Variants in HMGCLL1 observed in about 807,000 individuals in gnomAD.
HMGCLL1 encodes 3-hydroxymethyl-3-methylglutaryl-CoA lyase, cytoplasmic.
Under a neutral mutation model 39.1 loss-of-function variants are expected in HMGCLL1, and 36 were observed. The observed-to-expected ratio is 0.92, with a 90% CI of 0.71 to 1.22. The LOEUF (loss-of-function observed/expected upper bound fraction) is 1.22, where lower values mean the gene tolerates loss of function less well. Among genes scored for constraint, HMGCLL1 ranks in the 50% most tolerant of loss-of-function variants. The pLI is 0.00. For missense variants in HMGCLL1, 451 were observed against 416.5 expected (o/e 1.08, Z -0.72); for synonymous variants, 149 against 144.0 (o/e 1.03, Z -0.25).
intron 7 of HMGCLL1, among the ~76,000 whole-genome samples, chr6:55,465,039 A>G (rs1374083121): frequency 6.6e-6 from 1 of 152,194 alleles, no homozygotes; most frequent in Non-Finnish European, 1.5e-5. Flanking sequence ...ATCTGTGAAC[A>G]TTATATATCT....
chr6:55,477,816 G>C (rs1365894899), intron 7 of HMGCLL1, among the ~76,000 whole-genome samples: 1 of 150,472 alleles, frequency 6.6e-6, no homozygotes, highest in Non-Finnish European at 1.5e-5. Context: ...TTGGTTTACT[G>C]TTTTGTTTAG....
chr6:55,473,002 C>A (rs1765113314), intron 7 of HMGCLL1, among the ~76,000 whole-genome samples: 1 of 151,340 alleles, frequency 6.6e-6, no homozygotes, highest in East Asian at 1.9e-4. Flanking sequence ...ACTACCATAT[C>A]TTTGATAATT....
intron 7 of HMGCLL1, among the ~76,000 whole-genome samples, chr6:55,443,654 C>A (rs1763699463): frequency 6.8e-6 from 1 of 148,064 alleles, no homozygotes; most frequent in African/African-American, 2.5e-5. Context: ...CACACTAGAG[C>A]AAATATAAAT....
intron 3 of HMGCLL1, among the ~76,000 whole-genome samples, chr6:55,520,727 T>C (rs546459786): frequency 7.1e-4 from 108 of 152,238 alleles, no homozygotes; most frequent in Non-Finnish European, 1.2e-3. Context: ...AGAAAGCCTT[T>C]CTACATCTGG....
chr6:55,641,867 T>A, the HMGCLL1 span, among the ~76,000 whole-genome samples: 1,503 of 127,276 alleles, frequency 0.012, 17 homozygotes, highest in African/African-American at 0.041. Context: ...TTTTTTTTAA[T>A]TTTTTTTTAT....
chr6:55,474,157 T>C (rs1765176618), intron 7 of HMGCLL1, among the ~76,000 whole-genome samples: 1 of 151,546 alleles, frequency 6.6e-6, no homozygotes, highest in African/African-American at 2.4e-5. Flanking sequence ...CTGTCATTAA[T>C]TTTGGAAAGC....
intron 7 of HMGCLL1, among the ~76,000 whole-genome samples, chr6:55,480,743 A>G (rs969970126): frequency 6.6e-6 from 1 of 151,712 alleles, no homozygotes; most frequent in Non-Finnish European, 1.5e-5. Context: ...GTGTCCATCA[A>G]TAGACAAATG....
At chr6:55,446,031 T>C (rs908072438) in intron 7 of HMGCLL1, among the ~76,000 whole-genome samples, 16 of 151,874 alleles carry the variant, frequency 1.1e-4, no homozygotes, top group Admixed American at 8.5e-4. Context: ...TATTTTTCCT[T>C]TGACTTAAAA....
At chr6:55,650,933 G>C in the HMGCLL1 span, among the ~76,000 whole-genome samples, 1 of 151,974 alleles carries the variant, frequency 6.6e-6, no homozygotes, top group African/African-American at 2.4e-5. Flanking sequence ...CACACTTAAG[G>C]GAAGTAGGCT....
At chr6:55,443,911 T>C (rs1293452518) in intron 7 of HMGCLL1, among the ~76,000 whole-genome samples, 1 of 152,044 alleles carries the variant, frequency 6.6e-6, no homozygotes, top group Non-Finnish European at 1.5e-5. Context: ...CGTCATTTCA[T>C]TTAGATAAAG....
the HMGCLL1 span, among the ~76,000 whole-genome samples, chr6:55,674,672 G>A: frequency 6.6e-6 from 1 of 152,038 alleles, no homozygotes; most frequent in Non-Finnish European, 1.5e-5. Context: ...GAGGGACAAT[G>A]ATAATGTTAC....
At chr6:55,568,589 C>T (rs1771324209) in intron 1 of HMGCLL1, among the ~76,000 whole-genome samples, 1 of 152,096 alleles carries the variant, frequency 6.6e-6, no homozygotes, top group African/African-American at 2.4e-5. Flanking sequence ...CTCACCTAGG[C>T]TGATAATTTG....
chr6:55,658,010 C>T, the HMGCLL1 span, among the ~76,000 whole-genome samples: 2 of 151,522 alleles, frequency 1.3e-5, no homozygotes, highest in Non-Finnish European at 2.9e-5. Context: ...ACCCCCATGA[C>T]ACAAGTTTAC....
Position 55,543,305 on chromosome 6 carries a change from GATATATAATATATA to G in HMGCLL1, c.109-1179_109-1166del, listed in dbSNP as rs1181248072. On this transcript the variant is annotated intron_variant, in intron 1 of 8. Transcript: ENST00000274901. ...ATATAATATATTATATATCATATAT[GATATATAATATATA>G]ATATATATTATATATCATATATGAT... 0.012 allele frequency among the ~76,000 whole-genome samples: 92 copies of G among 7,542 alleles called. 26 individuals carry two copies. The East Asian group carries it at 0.32, about 27-fold the overall frequency. The allele number at this position is 7,542 out of a possible 152,430, so 4.9% of individuals were successfully genotyped here. A position where few individuals can be genotyped will look rare whatever the true frequency, so the allele number is the denominator to read the frequency against.
At chr6:55,635,025 A>T in the HMGCLL1 span, among the ~76,000 whole-genome samples, 22,790 of 152,038 alleles carry the variant, frequency 0.15, 2,024 homozygotes, top group Non-Finnish European at 0.2. Flanking sequence ...GGACAGTTGG[A>T]TGTGCCTATA....
At chr6:55,599,513 T>C in the HMGCLL1 span, among the ~76,000 whole-genome samples, 1 of 152,126 alleles carries the variant, frequency 6.6e-6, no homozygotes, top group Non-Finnish European at 1.5e-5. Flanking sequence ...TCAGCCCAAA[T>C]GGCTAAATGA....
the HMGCLL1 span, among the ~76,000 whole-genome samples, chr6:55,671,447 A>G: frequency 1.5e-4 from 23 of 151,878 alleles, no homozygotes; most frequent in Admixed American, 1.4e-3. Flanking sequence ...AAAAACTATT[A>G]CAACCTCTAA....
chr6:55,532,968 G>A (rs1332244862), intron 3 of HMGCLL1, among the ~76,000 whole-genome samples: 1 of 151,270 alleles, frequency 6.6e-6, no homozygotes, highest in African/African-American at 2.4e-5. Context: ...TTTCTCCTAT[G>A]TGGTAACAGT....
chr6:55,541,888 C>T, intron 2 of HMGCLL1, 52 bp from the exon 3 acceptor site: 2 of 1,124,198 alleles, frequency 1.8e-6, no homozygotes, highest in Non-Finnish European at 2.6e-6. Context: ...CCTATTTAAG[C>T]ACAAACAGAA....
Sources: allele counts gnomAD v4.1 joint callset (sites outside exome capture counted in the v4.1 genomes callset), GRCh38; gene constraint gnomAD v4.1.1; transcripts MANE v1.5; gene names NCBI Gene and HGNC (gene_info 2026-07-23, HGNC 2026-07-21).